Variants in MAGIX observed in about 807,000 individuals in gnomAD.
MAGIX encodes the protein MAGI family member, X-linked, also known as PDZ domain-containing protein MAGIX.
In MAGIX, 13 loss-of-function variants were observed where a neutral mutation model predicts 10.0. That is an observed-to-expected ratio of 1.30 (90% confidence interval 0.84 to 2.06). The LOEUF is 2.06. MAGIX is among the 30% of genes most tolerant of loss of function. MAGIX has a pLI of 0.00. For missense variants in MAGIX, 235 were observed against 245.2 expected (o/e 0.96, Z 0.28); for synonymous variants, 108 against 106.8 (o/e 1.01, Z -0.07).
At chrX:49,168,236 C>T (rs998377333) in exon 5 of MAGIX, 1 of 108,797 alleles carries the variant, frequency 9.2e-6, no homozygotes, top group Non-Finnish European at 1.9e-5. Flanking sequence ...TTTGGGAGGC[C>T]GAGGCTGGTG....
At chrX:49,164,208 G>T in intron 2 of MAGIX, 1 of 277,585 alleles carries the variant, frequency 3.6e-6, no homozygotes, top group East Asian at 5.9e-5. Context: ...GGCAGGGCCT[G>T]GAGAGTGCTT....
exon 5 of MAGIX, chrX:49,166,576 C>A (rs1261198836): frequency 2.3e-6 from 1 of 427,405 alleles, no homozygotes; most frequent in South Asian, 4.4e-5. Flanking sequence ...CCCTTCCAGC[C>A]GGCTAGCCTG....
chrX:49,165,073 C>A, exon 3 of MAGIX: 1 of 1,204,803 alleles, frequency 8.3e-7, no homozygotes, highest in Non-Finnish European at 1.1e-6. Context: ...CCCAGCACAG[C>A]GCTGTGGTCG....
intron 4 of MAGIX, chrX:49,165,663 G>A (rs1308653635): frequency 3.0e-6 from 1 of 331,945 alleles, no homozygotes; most frequent in Admixed American, 5.4e-5. Flanking sequence ...GGAAGGAAGG[G>A]TCTTAGTTCT....
exon 2 of MAGIX, chrX:49,163,921 G>C (rs1278863939): frequency 3.7e-5 from 38 of 1,015,962 alleles, no homozygotes; most frequent in Non-Finnish European, 4.8e-5. Context: ...CGCCTGCGCC[G>C]GAAGGAGGGT....
intron 1 of MAGIX, chrX:49,163,490 G>A (rs1432497439): frequency 5.0e-6 from 1 of 201,200 alleles, no homozygotes; most frequent in African/African-American, 3.0e-5. Context: ...TGGGCATCCA[G>A]GGTGATTAGG....
chrX:49,164,288 G>A (rs2065350889), intron 2 of MAGIX: 1 of 269,611 alleles, frequency 3.7e-6, no homozygotes, highest in African/African-American at 2.8e-5. Flanking sequence ...ATAGTCCCAT[G>A]GGGGCGGGGC....
At chrX:49,166,050 T>C in intron 4 of MAGIX, 24 bp from the exon 6 acceptor site, 1 of 1,196,244 alleles carries the variant, frequency 8.4e-7, no homozygotes, top group Middle Eastern at 2.3e-4. Context: ...CCTTCCCTAC[T>C]TCACCACCCA....
downstream of MAGIX, chrX:49,168,485 A>C (rs1371899038): frequency 1.9e-5 from 2 of 104,326 alleles, no homozygotes; most frequent in African/African-American, 3.5e-5. Flanking sequence ...AAAAAAAAAA[A>C]AAAAAAAACT....
At chrX:49,164,229 C>T (rs1557097023) in intron 2 of MAGIX, 3 of 257,647 alleles carry the variant, frequency 1.2e-5, no homozygotes, top group African/African-American at 8.6e-5. Flanking sequence ...GGGGGGCGGG[C>T]ACGCAGCGAA....
At chrX:49,163,912 G>T (rs2065347430) in exon 2 of MAGIX, 5 of 1,019,805 alleles carry the variant, frequency 4.9e-6, no homozygotes, top group Non-Finnish European at 5.0e-6. Context: ...GCCACATTGC[G>T]CCTGCGCCGG....
At chrX:49,166,811 G>A (rs1319020742) in exon 5 of MAGIX, 3 of 134,328 alleles carry the variant, frequency 2.2e-5, no homozygotes, top group Admixed American at 1.7e-4. Flanking sequence ...TTTTCTCTTC[G>A]CCGTCTCCTG....
At chrX:49,163,954 G>T (rs1407284711) in intron 2 of MAGIX, 25 bp downstream of exon 2, 8 of 1,003,072 alleles carry the variant, frequency 8.0e-6, no homozygotes, top group Non-Finnish European at 1.0e-5. Flanking sequence ...CAGGGCCTCC[G>T]CTGGGGGAGG....
chrX:49,165,163 C>G (rs782689357), intron 3 of MAGIX, 27 bp from the exon 5 acceptor site: 1 of 1,201,160 alleles, frequency 8.3e-7, no homozygotes, highest in Admixed American at 2.3e-5. Context: ...TTTGCCTTTC[C>G]AACACGACTG....
chrX:49,163,995 G>T, intron 2 of MAGIX, 66 bp downstream of exon 2: 2 of 953,453 alleles, frequency 2.1e-6, no homozygotes, highest in South Asian at 8.5e-5. Flanking sequence ...CAGTGGGACA[G>T]GCCTGGGGGG....
rs781937531 is a variant in MAGIX, at chrX:49,165,523, A to G, written c.502+162A>G. ...CACAAGTAGGGGCAGGGAGGGGTACAGGGTCCCAGGATAGGAATAACGTAG... is the reference window on the plus strand; with the variant it reads ...CACAAGTAGGGGCAGGGAGGGGTACGGGGTCCCAGGATAGGAATAACGTAG... On this transcript the variant is annotated intron_variant, in intron 4 of 4. Coordinates refer to ENST00000616266, the Ensembl canonical transcript of MAGIX. 1.1e-4 allele frequency: 51 copies of G among 461,472 alleles called. 1 individual carries two copies. In the African/African-American group the frequency reaches 1.2e-3, roughly 10 times the overall value. 38.0% of individuals were successfully genotyped at this position (461,472 alleles called of 1,213,427 possible).
intron 1 of MAGIX, 24 bp from the exon 2 acceptor site, chrX:49,163,759 T>C: frequency 1.9e-6 from 2 of 1,030,156 alleles, no homozygotes; most frequent in South Asian, 2.8e-5. Context: ...GGGTCGGCGT[T>C]GACCTGTCCC....
At chrX:49,163,676 G>A (rs2065344695) in intron 1 of MAGIX, 107 bp from the exon 2 acceptor site, 2 of 765,809 alleles carry the variant, frequency 2.6e-6, no homozygotes, top group Admixed American at 6.2e-5. Flanking sequence ...GAGTGGCCAG[G>A]GGTCGCCGGG....
intron 2 of MAGIX, 168 bp from the exon 3 acceptor site, chrX:49,164,539 C>T (rs925929586): frequency 1.2e-5 from 6 of 506,799 alleles, no homozygotes; most frequent in Non-Finnish European, 2.1e-5. Context: ...GGGCTGAGAA[C>T]CTTTAAGATT....
Sources: gnomAD v4.1 joint callset for allele counts on GRCh38, gnomAD v4.1.1 for gene constraint, MANE v1.5 for transcripts, NCBI Gene and HGNC (gene_info 2026-07-23, HGNC 2026-07-21) for gene names.